The following TMEM150C variants were observed in gnomAD, a reference collection of about 807,000 sequenced individuals.
The protein encoded by TMEM150C is tentonin 3.
TMEM150C carries 10 observed loss-of-function variants against 29.9 expected under a neutral mutation model. The ratio of observed to expected loss-of-function variants is 0.33; its 90% CI spans 0.21 to 0.57. The LOEUF (loss-of-function observed/expected upper bound fraction) is 0.57, where lower values mean the gene tolerates loss of function less well. TMEM150C is among the 20% of genes least tolerant of loss of function. TMEM150C has a pLI of 0.88. For synonymous variants in TMEM150C, 101 were observed against 112.5 expected (o/e 0.90, Z 0.64); for missense variants, 251 against 303.6 (o/e 0.83, Z 1.29).
At chr4:82,485,833 T>C (rs1723142786) in intron 7 of TMEM150C, 114 bp from the exon 8 acceptor site, 1 of 897,346 alleles carries the variant, frequency 1.1e-6, no homozygotes, top group Admixed American at 2.8e-5. Context: ...CTAGAAAAAC[T>C]GGTAGCCTGC....
At chr4:82,495,729 C>T (rs1271485019) in intron 6 of TMEM150C, 2 of 316,028 alleles carry the variant, frequency 6.3e-6, no homozygotes, top group South Asian at 7.3e-5. Context: ...GTTTGTTGTT[C>T]CCACCACTGA....
At chr4:82,514,230 A>G (rs192407529) in intron 1 of TMEM150C, among the ~76,000 whole-genome samples, 1 of 152,206 alleles carries the variant, frequency 6.6e-6, no homozygotes, top group Admixed American at 6.5e-5. Context: ...GGGCCTTCCC[A>G]TTGCCTGCTG....
intron 1 of TMEM150C, among the ~76,000 whole-genome samples, chr4:82,561,334 C>T (rs886094932): frequency 2.0e-5 from 3 of 152,230 alleles, no homozygotes; most frequent in Non-Finnish European, 4.4e-5. Context: ...GGAAGGAAGA[C>T]TGTGCATTTA....
intron 3 of TMEM150C, 22 bp downstream of exon 3, chr4:82,503,037 A>G: frequency 6.2e-7 from 1 of 1,611,880 alleles, no homozygotes; most frequent in Non-Finnish European, 8.5e-7. Flanking sequence ...TGAACAACGA[A>G]TTACCCACAG....
At chr4:82,504,813 G>A (rs1723859061) in intron 1 of TMEM150C, 146 bp from the exon 2 acceptor site, 1 of 561,020 alleles carries the variant, frequency 1.8e-6, no homozygotes, top group Non-Finnish European at 3.3e-6. Flanking sequence ...GGCGGATCAC[G>A]AGGTCAGGAG....
chr4:82,523,728 A>C (rs1291749273), intron 1 of TMEM150C, among the ~76,000 whole-genome samples: 1 of 151,650 alleles, frequency 6.6e-6, no homozygotes. Context: ...CTCAGGCTGG[A>C]GTACAGTGAC....
chr4:82,508,374 C>T (rs1374703413), intron 1 of TMEM150C, among the ~76,000 whole-genome samples: 2 of 152,054 alleles, frequency 1.3e-5, no homozygotes, highest in Non-Finnish European at 2.9e-5. Flanking sequence ...AACTCTTGGG[C>T]TCAAGAGATC....
At chr4:82,497,284 C>T (rs1265214137) in intron 5 of TMEM150C, among the ~76,000 whole-genome samples, 2 of 152,104 alleles carry the variant, frequency 1.3e-5, no homozygotes, top group East Asian at 1.9e-4. Flanking sequence ...AACAAACTTA[C>T]TACTAAGATA....
chr4:82,547,253 C>CA (rs1560499338), intron 1 of TMEM150C, among the ~76,000 whole-genome samples: 1 of 149,184 alleles, frequency 6.7e-6, no homozygotes, highest in African/African-American at 2.5e-5. Context: ...ACACACGTCT[C>CA]AAAAAAAGAC....
Position 82,529,914 on chromosome 4 carries a change from T to C in TMEM150C, c.-10-25247A>G, listed in dbSNP as rs78420091. ...TTCAAAAAATAGAGAATTGAGCATA[T>C]TTTATGGTTAATAGGAAAGAAGTAG... On this transcript the variant is annotated intron_variant, in intron 1 of 7. Transcript: ENST00000449862. Among the ~76,000 whole-genome samples, 363 of 152,040 alleles carry C rather than the reference T, an allele frequency of 2.4e-3. 3 individuals carry two copies. In the East Asian group the frequency reaches 0.025, roughly 11 times the overall value.
intron 6 of TMEM150C, among the ~76,000 whole-genome samples, chr4:82,492,272 G>C (rs1224347032): frequency 6.6e-6 from 1 of 152,044 alleles, no homozygotes; most frequent in Non-Finnish European, 1.5e-5. Context: ...GGGATTACAG[G>C]CATATGCCCC....
chr4:82,508,602 A>G (rs189719629), intron 1 of TMEM150C, among the ~76,000 whole-genome samples: 9 of 152,002 alleles, frequency 5.9e-5, no homozygotes, highest in African/African-American at 2.2e-4. Context: ...AGTAGCTGGG[A>G]TTACAGGCAC....
intron 5 of TMEM150C, among the ~76,000 whole-genome samples, chr4:82,499,899 C>T (rs1185413331): frequency 6.6e-6 from 1 of 152,070 alleles, no homozygotes; most frequent in Non-Finnish European, 1.5e-5. Flanking sequence ...ACTCTTTATG[C>T]ATCAATGATT....
intron 1 of TMEM150C, among the ~76,000 whole-genome samples, chr4:82,521,174 CTA>C (rs1284347201): frequency 2.0e-5 from 3 of 152,166 alleles, no homozygotes; most frequent in Admixed American, 6.5e-5. Context: ...CTAGAATTTC[CTA>C]TGTCACCCTG....
chr4:82,492,894 A>ATATATATATG (rs1723415989), intron 6 of TMEM150C, among the ~76,000 whole-genome samples: 1 of 138,016 alleles, frequency 7.2e-6, no homozygotes, highest in African/African-American at 2.7e-5. Flanking sequence ...ATATATATAT[A>ATATATATATG]TATATGTATT....
At chr4:82,505,978 C>T (rs572714741) in intron 1 of TMEM150C, among the ~76,000 whole-genome samples, 1 of 152,296 alleles carries the variant, frequency 6.6e-6, no homozygotes, top group African/African-American at 2.4e-5. Context: ...GCTCTAGTAA[C>T]CTCCACTGGG....
chr4:82,490,887 G>C (rs1723318603), intron 6 of TMEM150C: 2 of 707,238 alleles, frequency 2.8e-6, no homozygotes, highest in East Asian at 2.7e-5. Flanking sequence ...GTGAGCCACA[G>C]ACTTGGGACC....
At chr4:82,549,134 T>C (rs535884793) in intron 1 of TMEM150C, among the ~76,000 whole-genome samples, 4 of 128,360 alleles carry the variant, frequency 3.1e-5, no homozygotes, top group Non-Finnish European at 3.0e-5. Flanking sequence ...GTGCAATCTT[T>C]TGCACAAATA....
At chr4:82,503,175 G>T in intron 2 of TMEM150C, 63 bp from the exon 3 acceptor site, 1 of 1,268,384 alleles carries the variant, frequency 7.9e-7, no homozygotes, top group African/African-American at 1.5e-5. Context: ...TTGTTTCCCA[G>T]TTTTATTAAA....
Sources: gnomAD v4.1 joint callset for allele counts (sites outside exome capture counted in the v4.1 genomes callset) on GRCh38, gnomAD v4.1.1 for gene constraint, MANE v1.5 for transcripts, NCBI Gene and HGNC (gene_info 2026-07-23, HGNC 2026-07-21) for gene names.